Variants in PDGFRB observed in about 807,000 individuals in gnomAD.
The protein encoded by PDGFRB is platelet derived growth factor receptor beta.
In PDGFRB, 42 loss-of-function variants were observed where a neutral mutation model predicts 120.2. The ratio of observed to expected loss-of-function variants is 0.35; its 90% CI spans 0.27 to 0.45. The LOEUF (loss-of-function observed/expected upper bound fraction) is 0.45. Among genes scored for constraint, PDGFRB ranks in the 20% least tolerant of loss-of-function variants. The probability of loss-of-function intolerance (pLI) is 1.00; values close to 1 mark genes in which losing one functional copy is unlikely to be tolerated. For synonymous variants in PDGFRB, 586 were observed against 606.8 expected (o/e 0.97, Z 0.50); for missense variants, 1,149 against 1,476.3 (o/e 0.78, Z 3.63).
intron 8 of PDGFRB, 41 bp downstream of exon 8, chr5:150,131,938 A>C (rs1760476982): frequency 9.7e-7 from 1 of 1,028,290 alleles, no homozygotes; most frequent in African/African-American, 1.6e-5. Context: ...GGGGGCAGGG[A>C]GGGGAAGGAG....
Position 150,135,824 on chromosome 5 carries a change from C to A in PDGFRB, c.95G>T (p.Gly32Val). The A allele has an allele frequency of 6.4e-7, 1 of 1,558,242 alleles. No homozygotes were observed. Among genetic ancestry groups the A allele is most frequent in the South Asian group, 1.2e-5 (1 of 81,442 alleles). Residue 32 changes from glycine to valine, a missense_variant, in exon 3 of 23, where the codon GGC becomes GTC. This residue lies in a region of PDGFRB where 879 missense variants were observed against 1,108.6 expected (regional missense o/e 0.79). Transcript: ENST00000261799. Reference protein sequence around the residue: ...LLLLEPQISQGLVVTPPGPEL... With the variant: ...LLLLEPQISQVLVVTPPGPEL... ...TGGCCCCGGGGGTGTGACGACCAGG[C>A]CCTGAGAGATCTGTGGTTCCAGAAG... is the stretch of plus-strand genomic sequence containing the variant.
chr5:150,115,920 G>T lies in PDGFRB; in HGVS notation c.3164C>A (p.Ser1055Tyr). 1 of 1,588,598 alleles carries T rather than the reference G, an allele frequency of 6.3e-7. No homozygotes were observed. Among genetic ancestry groups the T allele is most frequent in the Non-Finnish European group, 8.6e-7 (1 of 1,165,852 alleles). Residue 1055 changes from serine to tyrosine, a missense_variant, in exon 23 of 23, where the codon TCC (serine) becomes TAC (tyrosine). By Grantham distance (144) the Ser-to-Tyr change is moderately radical (BLOSUM62 -2). Coordinates refer to ENST00000261799, the MANE Select transcript of PDGFRB (RefSeq NM_002609.4). ...ASSTLNEVNT[S>Y]STISCDSPLE... The stretch of plus-strand genomic sequence containing the variant: ...GGGGCTGTCACAGGAGATGGTTGAG[G>T]AGGTGTTGACTTCATTCAGGGTGGA...
chr5:150,133,581 C>T lies in PDGFRB; in HGVS notation c.934+5G>A. 6.2e-7 allele frequency: 1 copy of T among 1,612,666 alleles called. No homozygotes were observed. The highest frequency in any genetic ancestry group is 8.5e-7 in the Non-Finnish European group (1 of 1,178,776). The stretch of plus-strand genomic sequence containing the variant: ...TGGGGATTGGGCTGAGCCCAAGGCA[C>T]ACACCAACCACGGTGATGTTGATGG... On this transcript the variant is annotated splice_donor_5th_base_variant and intron_variant, in intron 6 of 22. Transcript: ENST00000261799.
At position 150,120,178 on chromosome 5, in the gene PDGFRB, T is replaced by C; in HGVS notation, c.2587-55A>G. The C allele has an allele frequency of 2.5e-6, 2 of 804,334 alleles. No individual in the cohort carries two copies. The highest frequency in any genetic ancestry group is 4.5e-6 in the Non-Finnish European group (2 of 443,352). 49.8% of individuals were successfully genotyped at this position (804,334 alleles called of 1,614,324 possible). The stretch of plus-strand genomic sequence containing the variant: ...GCAAGGAAGGACCTCAGCCCCACTC[T>C]GCACCTGGGATGGGAGGAGGGTATC... On this transcript the variant is annotated intron_variant, in intron 18 of 22. Coordinates refer to ENST00000261799, the MANE Select transcript of PDGFRB (RefSeq NM_002609.4). This position sits in a 1 kb window ranked among gnomAD's most constrained non-coding sequence, Gnocchi z 4.3.
At chr5:150,144,521 G>C (rs1760866719) in intron 1 of PDGFRB, among the ~76,000 whole-genome samples, 1 of 152,238 alleles carries the variant, frequency 6.6e-6, no homozygotes, top group African/African-American at 2.4e-5. Context: ...TGAAACATCT[G>C]TCTGGAATGG....
At chr5:150,116,228 CCCT>C (rs1457838053) in intron 22 of PDGFRB, among the ~76,000 whole-genome samples, 10 of 152,340 alleles carry the variant, frequency 6.6e-5, no homozygotes, top group African/African-American at 2.4e-4. Context: ...ACCAGCATCT[CCCT>C]CCTCTGCACT....
chr5:150,125,134 C>T (rs572692013), intron 12 of PDGFRB, among the ~76,000 whole-genome samples: 8 of 152,232 alleles, frequency 5.3e-5, no homozygotes, highest in South Asian at 2.1e-4. Flanking sequence ...CAAGGGAGCA[C>T]GCTTCTCTGT....
At chr5:150,131,199 C>T (rs1760454696) in intron 8 of PDGFRB, among the ~76,000 whole-genome samples, 1 of 152,318 alleles carries the variant, frequency 6.6e-6, no homozygotes, top group African/African-American at 2.4e-5. Flanking sequence ...CCAAAGTCTG[C>T]ACCAGGCCCA....
At position 150,127,833 on chromosome 5, in the gene PDGFRB, TAA is replaced by T. The variant is rs56899708; in HGVS notation, c.1580-1221_1580-1220del. 1.7e-3 allele frequency among the ~76,000 whole-genome samples: 104 copies of T among 62,424 alleles called. 1 individual carries two copies. The highest frequency in any genetic ancestry group is 3.7e-3 in the African/African-American group (50 of 13,494). The allele number at this position is 62,424 out of a possible 152,430, so 41.0% of individuals were successfully genotyped here. A position where few individuals can be genotyped will look rare whatever the true frequency, so the allele number is the denominator to read the frequency against. Reference sequence around the variant, plus strand: ...TGGGCAACAGAGCCAGACTCCATCTTAAAAAAAAAAAAAAAAAAAAAAAAAAC... The same window carrying T: ...TGGGCAACAGAGCCAGACTCCATCTTAAAAAAAAAAAAAAAAAAAAAAAAC... On this transcript the variant is annotated intron_variant, in intron 10 of 22. Transcript: ENST00000261799.
chr5:150,120,119 A>C lies in PDGFRB; in HGVS notation c.2591T>G (p.Phe864Cys). ...CGGAGCCATCCACTTTAAAGGCAAA[A>C]AGGTCTGTAGGGAGGTCAGGACAGG... ...DSNYISKGST[F>C]LPLKWMAPES... Residue 864 changes from phenylalanine to cysteine, a missense_variant, in exon 19 of 23, where the codon TTT becomes TGT. This residue lies in a region of PDGFRB where 68 missense variants were observed against 153.3 expected (regional missense o/e 0.44). Coordinates refer to ENST00000261799, the MANE Select transcript of PDGFRB (RefSeq NM_002609.4). The surrounding 1 kb of genome is among the most constrained non-coding windows in gnomAD (Gnocchi z 4.3). 6.7e-7 allele frequency: 1 copy of C among 1,496,050 alleles called. No homozygotes were observed. The highest frequency in any genetic ancestry group is 9.3e-7 in the Non-Finnish European group (1 of 1,071,684). The allele number at this position is 1,496,050 out of a possible 1,614,324, so 92.7% of individuals were successfully genotyped here.
At chr5:150,135,166 A>T (rs1025632935) in intron 3 of PDGFRB, 150 bp from the exon 4 acceptor site, 2 of 599,656 alleles carry the variant, frequency 3.3e-6, no homozygotes, top group African/African-American at 1.9e-5. Context: ...ATCAAATGTT[A>T]GAGCTGGTCC....
At position 150,124,184 on chromosome 5, in the gene PDGFRB, G is replaced by A. The variant is rs1760226312; in HGVS notation, c.2023+66C>T. The A allele has an allele frequency of 7.9e-5, 84 of 1,068,616 alleles. No homozygotes were observed. In the South Asian group the frequency reaches 1.0e-3, roughly 13 times the overall value. The allele number at this position is 1,068,616 out of a possible 1,614,324, so 66.2% of individuals were successfully genotyped here. ...CTGTTGTGCAAGGCCTGAGGGGGGG[G>A]TAGGCGGGGCCTGGCCTTGGTGGTG... On this transcript the variant is annotated intron_variant, in intron 14 of 22. Transcript: ENST00000261799.
intron 1 of PDGFRB, among the ~76,000 whole-genome samples, chr5:150,138,996 G>C (rs577945669): frequency 5.6e-4 from 86 of 152,352 alleles, no homozygotes; most frequent in Non-Finnish European, 9.4e-4. Context: ...GCTCTGGAAG[G>C]CTGGGCTGGC....
chr5:150,150,151 C>A (rs1235140254), intron 1 of PDGFRB, among the ~76,000 whole-genome samples: 1 of 152,184 alleles, frequency 6.6e-6, no homozygotes, highest in Non-Finnish European at 1.5e-5. Flanking sequence ...GGAGGCTGAG[C>A]CCTGAACCAC....
intron 1 of PDGFRB, among the ~76,000 whole-genome samples, chr5:150,143,299 T>G (rs1356010495): frequency 6.6e-6 from 1 of 152,258 alleles, no homozygotes; most frequent in Non-Finnish European, 1.5e-5. Flanking sequence ...GGGTGACTAC[T>G]GTACAGTCCT....
At chr5:150,149,755 C>G (rs1412642514) in intron 1 of PDGFRB, among the ~76,000 whole-genome samples, 1 of 152,160 alleles carries the variant, frequency 6.6e-6, no homozygotes, top group Non-Finnish European at 1.5e-5. Flanking sequence ...CTGAGCCCTA[C>G]CCCTCTAAGG....
Position 150,132,880 on chromosome 5 carries a change from T to C in PDGFRB, c.997A>G (p.Ser333Gly). 8 of 1,597,150 alleles carry C rather than the reference T, an allele frequency of 5.0e-6. No homozygotes were observed. Among genetic ancestry groups the C allele is most frequent in the Non-Finnish European group, 6.8e-6 (8 of 1,172,630 alleles). ...TCGAACACTACCTGCAGTGTCCGGC[T>C]CCGATGCAGCTCAGCAAATTGTAGT... Reference protein sequence around the residue: ...GTLQFAELHRSRTLQVVFEAY... With the variant: ...GTLQFAELHRGRTLQVVFEAY... The change falls in exon 7 of 23, where the codon AGC becomes GGC. Residue 333 changes from serine to glycine, a missense_variant. Around this residue, in one of 3 missense-constraint regions of PDGFRB, gnomAD observed 879 missense variants for 1,108.6 expected, o/e 0.79. Coordinates refer to ENST00000261799, the MANE Select transcript of PDGFRB (RefSeq NM_002609.4). The surrounding 1 kb of genome is among the most constrained non-coding windows in gnomAD (Gnocchi z 5.0).
Position 150,137,059 on chromosome 5 carries a change from G to A in PDGFRB, c.-6-6C>T, listed in dbSNP as rs1315685257. 1.2e-6 allele frequency: 2 copies of A among 1,612,676 alleles called. No individual in the cohort carries two copies. The highest frequency in any genetic ancestry group is 2.7e-5 in the African/African-American group (2 of 74,932). On this transcript the variant is annotated splice_polypyrimidine_tract_variant and splice_region_variant and intron_variant, in intron 1 of 22. Coordinates refer to ENST00000261799, the MANE Select transcript of PDGFRB (RefSeq NM_002609.4). ...CCCGGAAGCCGCATGGTGTCCTGCA[G>A]AGTTAAACAGGAGTCAGGGCCCAGG...
At chr5:150,118,398 C>A (rs118186557) in intron 21 of PDGFRB, among the ~76,000 whole-genome samples, 1 of 152,130 alleles carries the variant, frequency 6.6e-6, no homozygotes, top group Non-Finnish European at 1.5e-5. Flanking sequence ...AGTGGTCAGG[C>A]GGTTCATGGT....
Sources: allele counts gnomAD v4.1 joint callset (sites outside exome capture counted in the v4.1 genomes callset), GRCh38; gene constraint gnomAD v4.1.1; regional missense constraint gnomAD v4.1.1; non-coding constraint Gnocchi (gnomAD v3.1); transcripts MANE v1.5; gene names NCBI Gene and HGNC (gene_info 2026-07-23, HGNC 2026-07-21).